The following SCAPER variants were observed in gnomAD, a reference collection of about 807,000 sequenced individuals.
SCAPER encodes S phase cyclin A-associated protein in the endoplasmic reticulum.
A neutral mutation model predicts 182.2 loss-of-function variants in SCAPER; 98 were observed. That is an observed-to-expected ratio of 0.54 (90% CI 0.46 to 0.64). The LOEUF (loss-of-function observed/expected upper bound fraction) is 0.64. Among genes scored for constraint, SCAPER ranks in the 30% least tolerant of loss-of-function variants. The pLI is 0.00. For synonymous variants in SCAPER, 605 were observed against 564.6 expected (o/e 1.07, Z -1.01); for missense variants, 1,432 against 1,690.0 (o/e 0.85, Z 2.68).
At chr15:76,599,346 C>T (rs1470144566) in intron 22 of SCAPER, among the ~76,000 whole-genome samples, 2 of 122,102 alleles carry the variant, frequency 1.6e-5, no homozygotes, top group East Asian at 2.2e-4. Context: ...TTTGAAAAAA[C>T]GGTCTCGTGG....
chr15:76,874,344 A>C (rs1460079448), intron 2 of SCAPER, among the ~76,000 whole-genome samples: 1 of 152,220 alleles, frequency 6.6e-6, no homozygotes, highest in African/African-American at 2.4e-5. Flanking sequence ...TATGTAAGAA[A>C]GAAAACAGGC....
chr15:76,687,539 C>T (rs1256549051), intron 20 of SCAPER, among the ~76,000 whole-genome samples: 1 of 152,108 alleles, frequency 6.6e-6, no homozygotes, highest in Non-Finnish European at 1.5e-5. Context: ...CTTGCTGCCC[C>T]CATCAACCCA....
chr15:76,899,663 G>A (rs113083151), intron 1 of SCAPER, among the ~76,000 whole-genome samples: 23,634 of 151,338 alleles, frequency 0.16, 2,217 homozygotes, highest in Middle Eastern at 0.23. Flanking sequence ...TGGCCGCCCC[G>A]TCTGGAAAGT....
chr15:76,819,603 G>C (rs1238143090), intron 5 of SCAPER, among the ~76,000 whole-genome samples: 1 of 152,068 alleles, frequency 6.6e-6, no homozygotes, highest in African/African-American at 2.4e-5. Context: ...CATCATCAAA[G>C]ACCAAAGGTA....
intron 26 of SCAPER, among the ~76,000 whole-genome samples, chr15:76,418,780 C>T (rs554736710): frequency 6.6e-6 from 1 of 152,378 alleles, no homozygotes; most frequent in Non-Finnish European, 1.5e-5. Flanking sequence ...AGCTGGTTGG[C>T]CTGCTGTGCC....
At chr15:76,770,957 C>T (rs2063433731) in intron 10 of SCAPER, among the ~76,000 whole-genome samples, 1 of 152,082 alleles carries the variant, frequency 6.6e-6, no homozygotes, top group Non-Finnish European at 1.5e-5. Context: ...CAAGTTTCAT[C>T]TCTACTGTTA....
chr15:76,616,699 T>C (rs1220738766), intron 22 of SCAPER, among the ~76,000 whole-genome samples: 2 of 152,138 alleles, frequency 1.3e-5, no homozygotes, highest in Non-Finnish European at 2.9e-5. Flanking sequence ...AAATATAGTA[T>C]AGATATGAAG....
At chr15:76,562,725 G>A (rs2046736702) in intron 23 of SCAPER, among the ~76,000 whole-genome samples, 1 of 152,128 alleles carries the variant, frequency 6.6e-6, no homozygotes, top group Non-Finnish European at 1.5e-5. Flanking sequence ...ATCAAGAAAA[G>A]ATAAAGAGAG....
At chr15:76,851,699 A>G (rs1413771874) in intron 4 of SCAPER, among the ~76,000 whole-genome samples, 1 of 152,224 alleles carries the variant, frequency 6.6e-6, no homozygotes, top group East Asian at 1.9e-4. Context: ...CACAAAATAT[A>G]GAAAGGAAGA....
intron 21 of SCAPER, among the ~76,000 whole-genome samples, chr15:76,665,118 T>G (rs1174746160): frequency 6.6e-6 from 1 of 152,174 alleles, no homozygotes; most frequent in Admixed American, 6.5e-5. Context: ...GAGGTAATGA[T>G]GTACTACACA....
intron 15 of SCAPER, among the ~76,000 whole-genome samples, chr15:76,743,923 T>A (rs781776364): frequency 1.1e-4 from 16 of 152,152 alleles, no homozygotes; most frequent in Admixed American, 6.6e-5. Flanking sequence ...AACAGCATGG[T>A]ACTGGTACAA....
Position 76,804,613 on chromosome 15 carries a change from A to G in SCAPER, c.414T>C (p.Asp138=). The G allele has an allele frequency of 1.2e-6, 2 of 1,608,340 alleles. No individual in the cohort carries two copies. The highest frequency in any genetic ancestry group is 1.7e-6 in the Non-Finnish European group (2 of 1,177,884). ...ATGCTTTGAAATCTCTTACATAGTT[A>G]TCCAGCATCATTAGCACCTCCTAAA... The part of the protein sequence containing the change: ...VECKEVLMML[D]NYVRDFKALI... Residue 138 remains aspartate, a synonymous_variant, in exon 6 of 32, where the codon GAT becomes GAC. Coordinates refer to ENST00000563290, the MANE Select transcript of SCAPER (RefSeq NM_020843.4).
chr15:76,723,578 A>T (rs1397665968), intron 17 of SCAPER, among the ~76,000 whole-genome samples: 1 of 152,180 alleles, frequency 6.6e-6, no homozygotes, highest in Non-Finnish European at 1.5e-5. Flanking sequence ...GTCTCTTTGT[A>T]GGTCTCTAAG....
chr15:76,658,441 T>C (rs2055850597), intron 21 of SCAPER, among the ~76,000 whole-genome samples: 1 of 152,174 alleles, frequency 6.6e-6, no homozygotes, highest in South Asian at 2.1e-4. Flanking sequence ...AAATATTCCA[T>C]GCTCATGGAG....
At chr15:76,627,098 A>C (rs1014995372) in intron 21 of SCAPER, among the ~76,000 whole-genome samples, 1 of 152,150 alleles carries the variant, frequency 6.6e-6, no homozygotes, top group Non-Finnish European at 1.5e-5. Flanking sequence ...GTAGTGTTGT[A>C]CACTGCATTT....
intron 8 of SCAPER, among the ~76,000 whole-genome samples, chr15:76,777,880 C>A (rs1417732769): frequency 6.6e-6 from 1 of 152,102 alleles, no homozygotes; most frequent in Non-Finnish European, 1.5e-5. Flanking sequence ...AATACACTTA[C>A]CCTACCAAAC....
chr15:76,732,380 A>G lies in SCAPER; in HGVS notation c.2022+849T>C, dbSNP rs567145538. 2.0e-3 allele frequency among the ~76,000 whole-genome samples: 303 copies of G among 152,300 alleles called. 3 individuals are homozygous for G. Among genetic ancestry groups the G allele is most frequent in the Non-Finnish European group, 3.7e-3 (253 of 68,032 alleles). ...CAATTACTCTTTATTCCAATATTAT[A>G]ATAATCCTTGCTCTACAATCATAAC... On this transcript the variant is annotated intron_variant, in intron 16 of 31. Coordinates refer to ENST00000563290, the MANE Select transcript of SCAPER (RefSeq NM_020843.4).
intron 27 of SCAPER, among the ~76,000 whole-genome samples, chr15:76,401,924 C>T (rs938415767): frequency 3.4e-4 from 51 of 152,030 alleles, no homozygotes; most frequent in Admixed American, 1.6e-3. Context: ...GTCAGGAGTT[C>T]GAGACCAGAC....
chr15:76,360,842 G>T (rs1349011790), intron 29 of SCAPER, among the ~76,000 whole-genome samples: 1 of 152,172 alleles, frequency 6.6e-6, no homozygotes, highest in Non-Finnish European at 1.5e-5. Context: ...GGAGTGAACT[G>T]TTGGAACACA....
Sources: gnomAD v4.1 joint callset for allele counts (sites outside exome capture counted in the v4.1 genomes callset) on GRCh38, gnomAD v4.1.1 for gene constraint, MANE v1.5 for transcripts, NCBI Gene and HGNC (gene_info 2026-07-23, HGNC 2026-07-21) for gene names.